The following TBC1D22A variants were observed in gnomAD, a reference collection of about 807,000 sequenced individuals.
TBC1D22A encodes the protein TBC1 domain family member 22A.
Under a neutral mutation model 60.2 loss-of-function variants are expected in TBC1D22A, and 38 were observed. That is an observed-to-expected ratio of 0.63 (90% confidence interval 0.49 to 0.83). The LOEUF (loss-of-function observed/expected upper bound fraction) is 0.83. Among genes scored for constraint, TBC1D22A ranks in the 40% least tolerant of loss-of-function variants. TBC1D22A has a pLI of 0.00. For missense variants in TBC1D22A, 628 were observed against 701.0 expected, an observed-to-expected ratio of 0.90 and a Z score of 1.18; for synonymous variants, 302 against 281.7, an observed-to-expected ratio of 1.07 and a Z score of -0.72.
chr22:46,770,405 G>C (rs987695168), intron 1 of TBC1D22A, among the ~76,000 whole-genome samples: 1 of 152,222 alleles, frequency 6.6e-6, no homozygotes, highest in Non-Finnish European at 1.5e-5. Flanking sequence ...GACCCATGCC[G>C]GATTTCTGAC....
At chr22:46,765,957 ATGTGTG>A (rs747869318) in intron 1 of TBC1D22A, among the ~76,000 whole-genome samples, 20,369 of 128,410 alleles carry the variant, frequency 0.16, 1,758 homozygotes, top group African/African-American at 0.2. Context: ...CAGCTAATTT[ATGTGTG>A]TGTGTGTGTG....
At chr22:47,130,653 T>C (rs1247105228) in intron 12 of TBC1D22A, among the ~76,000 whole-genome samples, 1 of 152,072 alleles carries the variant, frequency 6.6e-6, no homozygotes, top group Non-Finnish European at 1.5e-5. Flanking sequence ...CTGCCCTGAG[T>C]GTGGTGGTGA....
intron 12 of TBC1D22A, among the ~76,000 whole-genome samples, chr22:47,126,493 TG>T (rs778351225): frequency 8.5e-5 from 13 of 152,216 alleles, no homozygotes; most frequent in Admixed American, 4.6e-4. Flanking sequence ...CTCTGCAGCC[TG>T]GTGGGTGGGC....
intron 4 of TBC1D22A, among the ~76,000 whole-genome samples, chr22:46,858,659 G>T (rs530084401): frequency 3.3e-5 from 5 of 152,350 alleles, no homozygotes; most frequent in Admixed American, 3.3e-4. Context: ...GTGGACCGAG[G>T]GGGAGCGCTG....
At chr22:46,858,290 C>T (rs2087672601) in intron 4 of TBC1D22A, among the ~76,000 whole-genome samples, 2 of 152,232 alleles carry the variant, frequency 1.3e-5, no homozygotes. Flanking sequence ...AATGCCTATT[C>T]ACATCCTTTG....
chr22:46,810,811 T>G (rs184608742), intron 4 of TBC1D22A, among the ~76,000 whole-genome samples: 45 of 152,180 alleles, frequency 3.0e-4, no homozygotes, highest in Non-Finnish European at 5.7e-4. Context: ...TTTCGACCCT[T>G]CTAGACGCCC....
At chr22:46,834,122 C>T (rs2086421661) in intron 4 of TBC1D22A, among the ~76,000 whole-genome samples, 1 of 152,062 alleles carries the variant, frequency 6.6e-6, no homozygotes, top group African/African-American at 2.4e-5. Flanking sequence ...GGAGCAGGTG[C>T]AAAGCTCAAA....
intron 11 of TBC1D22A, among the ~76,000 whole-genome samples, chr22:47,041,395 G>A (rs532981595): frequency 1.2e-4 from 18 of 152,280 alleles, no homozygotes; most frequent in Non-Finnish European, 2.1e-4. Context: ...GCCTCACACC[G>A]CACTCAGGGT....
intron 9 of TBC1D22A, among the ~76,000 whole-genome samples, chr22:46,976,504 C>T (rs935835083): frequency 6.6e-6 from 1 of 152,290 alleles, no homozygotes; most frequent in Middle Eastern, 3.4e-3. Flanking sequence ...CAAGCACTGC[C>T]GCTGTTTTAA....
At chr22:47,118,945 CTG>C (rs1284125953) in intron 12 of TBC1D22A, among the ~76,000 whole-genome samples, 2 of 152,146 alleles carry the variant, frequency 1.3e-5, no homozygotes, top group Non-Finnish European at 2.9e-5. Context: ...GGTCAGGAGA[CTG>C]AGACCATCCT....
chr22:46,786,405 T>C (rs1348705199), intron 1 of TBC1D22A, among the ~76,000 whole-genome samples: 2 of 152,222 alleles, frequency 1.3e-5, no homozygotes, highest in African/African-American at 4.8e-5. Flanking sequence ...TGTTGTTGGA[T>C]TTGGTTTGCT....
intron 5 of TBC1D22A, 55 bp from the exon 6 acceptor site, chr22:46,891,211 G>A (rs2068386893): frequency 6.5e-7 from 1 of 1,529,142 alleles, no homozygotes; most frequent in African/African-American, 1.4e-5. Flanking sequence ...CTTAATAATA[G>A]GGACTCCATG....
intron 8 of TBC1D22A, among the ~76,000 whole-genome samples, chr22:46,947,031 G>A (rs141006935): frequency 1.1e-4 from 17 of 152,284 alleles, no homozygotes; most frequent in Middle Eastern, 3.4e-3. Context: ...CTTCATCATA[G>A]GATTTGAGGC....
intron 8 of TBC1D22A, chr22:46,913,613 C>T (rs775062792): frequency 6.1e-6 from 6 of 978,508 alleles, no homozygotes; most frequent in African/African-American, 1.9e-5. Context: ...CTGCCTCTTA[C>T]CCCTCATTTG....
intron 10 of TBC1D22A, among the ~76,000 whole-genome samples, chr22:47,032,987 G>A (rs1474654868): frequency 6.6e-6 from 1 of 152,252 alleles, no homozygotes. Context: ...TGGGGCTGTC[G>A]CTGTCGTCCT....
chr22:46,967,125 G>A (rs2073841168), intron 8 of TBC1D22A, among the ~76,000 whole-genome samples: 1 of 152,216 alleles, frequency 6.6e-6, no homozygotes. Context: ...AGCAGAGTCG[G>A]GAACTGTGAC....
intron 7 of TBC1D22A, 86 bp from the exon 8 acceptor site, chr22:46,911,988 G>A (rs73478579): frequency 0.051 from 42,582 of 832,308 alleles, 2,722 homozygotes; most frequent in African/African-American, 0.25. Context: ...AAAATACAGT[G>A]TACATTTTAA....
chr22:46,812,006 G>C (rs992410759), intron 4 of TBC1D22A, among the ~76,000 whole-genome samples: 1 of 152,164 alleles, frequency 6.6e-6, no homozygotes, highest in African/African-American at 2.4e-5. Flanking sequence ...AATTGGTCCA[G>C]GTGGTTGCCA....
intron 11 of TBC1D22A, among the ~76,000 whole-genome samples, chr22:47,088,888 C>T (rs571585815): frequency 4.6e-5 from 7 of 152,322 alleles, no homozygotes; most frequent in African/African-American, 1.4e-4. Flanking sequence ...GAAGCGTTCT[C>T]GCACACACAC....
Sources: allele counts gnomAD v4.1 joint callset (sites outside exome capture counted in the v4.1 genomes callset), GRCh38; gene constraint gnomAD v4.1.1; transcripts MANE v1.5; gene names NCBI Gene and HGNC (gene_info 2026-07-23, HGNC 2026-07-21).